ALMS1: variants seen among roughly 807,000 people sequenced by gnomAD.
The protein encoded by ALMS1 is centrosome-associated protein ALMS1.
A neutral mutation model predicts 352.2 loss-of-function variants in ALMS1; 271 were observed. The ratio of observed to expected loss-of-function variants is 0.77; its 90% CI spans 0.70 to 0.85. The LOEUF (loss-of-function observed/expected upper bound fraction) is 0.85. ALMS1 is among the 40% of genes least tolerant of loss of function. The probability of loss-of-function intolerance (pLI) is 0.00; values close to 1 mark genes in which losing one functional copy is unlikely to be tolerated. For missense variants in ALMS1, 5,445 were observed against 4,870.7 expected, an observed-to-expected ratio of 1.12 and a Z score of -3.51; for synonymous variants, 1,865 against 1,761.2, an observed-to-expected ratio of 1.06 and a Z score of -1.48.
intron 9 of ALMS1, among the ~76,000 whole-genome samples, chr2:73,460,848 A>G (rs1672179614): frequency 6.6e-6 from 1 of 152,232 alleles, no homozygotes. Flanking sequence ...TTGCTAGCAC[A>G]GCAGTCTGAG....
In ALMS1 at chr2:73,386,202, G is replaced by C. The variant is rs778690416; in HGVS notation, c.324+10G>C. The C allele has an allele frequency of 3.9e-6, 6 of 1,524,996 alleles. No homozygotes were observed. Among genetic ancestry groups the C allele is most frequent in the Middle Eastern group, 1.8e-4 (1 of 5,712 alleles). The allele number at this position is 1,524,996 out of a possible 1,614,324, so 94.5% of individuals were successfully genotyped here. ...GACCTCCCTGGAGAAGGTGAGGCGG[G>C]CCGGGGAGGGGTGTGGAGCCGCGGC... On this transcript the variant is annotated intron_variant, in intron 1 of 22. Transcript: ENST00000613296.
At chr2:73,498,022 T>A (rs1024681524) in intron 10 of ALMS1, among the ~76,000 whole-genome samples, 1 of 152,160 alleles carries the variant, frequency 6.6e-6, no homozygotes, top group Non-Finnish European at 1.5e-5. Flanking sequence ...TTTTTTGGTT[T>A]CCCAGTGATA....
At chr2:73,386,924 T>C (rs1442524936) in intron 1 of ALMS1, among the ~76,000 whole-genome samples, 5 of 152,202 alleles carry the variant, frequency 3.3e-5, no homozygotes, top group African/African-American at 1.2e-4. Flanking sequence ...CCTGCCCTGC[T>C]CAGTACAGTA....
chr2:73,402,939 C>A (rs77280495), intron 1 of ALMS1, among the ~76,000 whole-genome samples: 5,411 of 152,180 alleles, frequency 0.036, 312 homozygotes, highest in African/African-American at 0.12. Context: ...AAACTGACTC[C>A]TTATCAGATA....
rs748261604 is a variant in ALMS1, at chr2:73,453,802, C to T, written c.7275C>T (p.Ser2425=). 4 of 1,614,106 alleles carry T rather than the reference C, an allele frequency of 2.5e-6. No individual in the cohort carries two copies. The South Asian group carries it at 3.3e-5, about 13-fold the overall frequency. The change falls in exon 8 of 23, where the codon TCC becomes TCT. Residue 2425 remains serine, a synonymous_variant. Coordinates refer to ENST00000613296, the MANE Select transcript of ALMS1 (RefSeq NM_001378454.1). ...SSSDASDGNG[S]CSWDSNLPES... ...GTGATGCCAGTGATGGAAATGGTTC[C>T]TGCTCGTGGGACAGTAATTTACCAG...
At chr2:73,571,824 T>A (rs1313861372) in intron 15 of ALMS1, among the ~76,000 whole-genome samples, 1 of 152,154 alleles carries the variant, frequency 6.6e-6, no homozygotes, top group Non-Finnish European at 1.5e-5. Context: ...ATCCATTTAA[T>A]TACTGACTAT....
intron 2 of ALMS1, among the ~76,000 whole-genome samples, chr2:73,414,866 T>G (rs2103691346): frequency 6.6e-6 from 1 of 152,258 alleles, no homozygotes; most frequent in Non-Finnish European, 1.5e-5. Flanking sequence ...GGCATAATGT[T>G]TTAACACTTT....
At chr2:73,582,730 A>G (rs778028335) in intron 16 of ALMS1, among the ~76,000 whole-genome samples, 19 of 152,106 alleles carry the variant, frequency 1.2e-4, no homozygotes, top group Non-Finnish European at 2.4e-4. Flanking sequence ...ATTCTGTATG[A>G]TATTCTACTG....
At chr2:73,413,256 CTG>C (rs1247763323) in intron 2 of ALMS1, among the ~76,000 whole-genome samples, 2 of 151,824 alleles carry the variant, frequency 1.3e-5, no homozygotes, top group East Asian at 3.9e-4. Flanking sequence ...CAGAGACAGT[CTG>C]TGGCATGTTT....
At chr2:73,438,620 T>G (rs115176553) in intron 7 of ALMS1, among the ~76,000 whole-genome samples, 1,735 of 152,330 alleles carry the variant, frequency 0.011, 32 homozygotes, top group African/African-American at 0.039. Flanking sequence ...AATTTGTGAT[T>G]AAAATTATGC....
rs77402854 is a variant in ALMS1 at position 73,417,160 on chromosome 2, A to G, written c.451-1963A>G. Among the ~76,000 whole-genome samples the G allele has an allele frequency of 4.5e-4, 68 of 152,300 alleles. 3 individuals are homozygous for G. In the East Asian group the frequency reaches 0.012, roughly 26 times the overall value. ...TAAAGAGAAAAACAAGTTATAAAAT[A>G]TAATACAGTTGTTAAATTCAAGAAA... is the stretch of plus-strand genomic sequence containing the variant. On this transcript the variant is annotated intron_variant, in intron 2 of 22. Coordinates refer to ENST00000613296, the MANE Select transcript of ALMS1 (RefSeq NM_001378454.1).
At chr2:73,574,845 C>T (rs1032231135) in intron 16 of ALMS1, among the ~76,000 whole-genome samples, 1 of 152,096 alleles carries the variant, frequency 6.6e-6, no homozygotes, top group African/African-American at 2.4e-5. Context: ...CAGTGTTTTA[C>T]AACCATCACC....
At chr2:73,485,986 T>A (rs576645350) in intron 9 of ALMS1, among the ~76,000 whole-genome samples, 1 of 151,990 alleles carries the variant, frequency 6.6e-6, no homozygotes, top group Non-Finnish European at 1.5e-5. Flanking sequence ...CACTCCCTAG[T>A]TAGATGAACC....
chr2:73,516,586 AACT>A (rs1165801328), intron 10 of ALMS1, among the ~76,000 whole-genome samples: 4 of 152,232 alleles, frequency 2.6e-5, no homozygotes, highest in African/African-American at 9.6e-5. Context: ...GTTTTTCAAC[AACT>A]AAATATTGTA....
chr2:73,490,686 A>T lies in ALMS1; in HGVS notation c.8727A>T (p.Gln2909His). The T allele has an allele frequency of 6.2e-7, 1 of 1,614,152 alleles. No homozygotes were observed. The highest frequency in any genetic ancestry group is 1.7e-5 in the Admixed American group (1 of 60,032). The change falls in exon 10 of 23, where the codon CAA becomes CAT. Residue 2909 changes from glutamine (Q) to histidine (H), a missense_variant. Transcript: ENST00000613296. Reference sequence around the variant, plus strand: ...GGAAACACCATTCTCCCTCTCCTCAACATCAGGATTATGTAGCTCCAGACC... The same window carrying T: ...GGAAACACCATTCTCCCTCTCCTCATCATCAGGATTATGTAGCTCCAGACC... ...HVRKHHSPSP[Q>H]HQDYVAPDLP...
intron 10 of ALMS1, among the ~76,000 whole-genome samples, chr2:73,506,599 A>C (rs530677012): frequency 6.6e-6 from 1 of 151,944 alleles, no homozygotes; most frequent in African/African-American, 2.4e-5. Context: ...TTGGTGTATA[A>C]GAATGCTTGT....
chr2:73,419,197 T>C lies in ALMS1; in HGVS notation c.525T>C (p.Phe175=). 1 of 1,614,058 alleles carries C rather than the reference T, an allele frequency of 6.2e-7. No homozygotes were observed. The highest frequency in any genetic ancestry group is 1.3e-5 in the African/African-American group (1 of 75,074). The stretch of plus-strand genomic sequence containing the variant: ...CCTTGGATACATCCCAGACTAGGTT[T>C]AATGTGAGAACGGAAGATACTGAAG... The part of the protein sequence containing the change: ...SQTLDTSQTR[F]NVRTEDTEVT... Residue 175 remains phenylalanine, a synonymous_variant, in exon 3 of 23, where the codon TTT becomes TTC. Transcript: ENST00000613296.
At chr2:73,483,099 T>C (rs1672749942) in intron 9 of ALMS1, among the ~76,000 whole-genome samples, 1 of 148,016 alleles carries the variant, frequency 6.8e-6, no homozygotes, top group Admixed American at 6.7e-5. Context: ...TTTAGTTATT[T>C]CTTGCCTTCT....
At chr2:73,418,793 C>G (rs1671229010) in intron 2 of ALMS1, among the ~76,000 whole-genome samples, 2 of 152,208 alleles carry the variant, frequency 1.3e-5, no homozygotes, top group Non-Finnish European at 2.9e-5. Context: ...ATACAAACTT[C>G]TACTTTTGTC....
Sources: gnomAD v4.1 joint callset for allele counts (sites outside exome capture counted in the v4.1 genomes callset) on GRCh38, gnomAD v4.1.1 for gene constraint, MANE v1.5 for transcripts, NCBI Gene and HGNC (gene_info 2026-07-23, HGNC 2026-07-21) for gene names.